The following KLHDC7B variants were observed in gnomAD, a reference collection of about 807,000 sequenced individuals.
The protein encoded by KLHDC7B is kelch domain containing 7B, also known as kelch domain-containing protein 7B.
Under a neutral mutation model 0.6 loss-of-function variants are expected in KLHDC7B, and 1 was observed. The ratio of observed to expected loss-of-function variants is 1.71; its 90% CI spans 0.61 to 8.11. KLHDC7B has a LOEUF of 8.11. KLHDC7B is among the 30% of genes most tolerant of loss of function. KLHDC7B has a pLI of 0.13. For missense variants in KLHDC7B, 993 were observed against 894.9 expected (o/e 1.11, Z -1.40); for synonymous variants, 462 against 405.2 (o/e 1.14, Z -1.68).
Position 50,548,601 on chromosome 22 carries a change from G to A in KLHDC7B, c.2358G>A (p.Glu786=), listed in dbSNP as rs2069761712. The A allele has an allele frequency of 1.9e-6, 3 of 1,544,556 alleles. No homozygotes were observed. The African/African-American group carries it at 4.1e-5, about 21-fold the overall frequency. The change falls in exon 1 of 1, where the codon GAG becomes GAA. Residue 786 remains glutamate, a synonymous_variant. Coordinates refer to ENST00000648057, the MANE Select transcript of KLHDC7B (RefSeq NM_138433.5). The surrounding 1 kb of genome is among the most constrained non-coding windows in gnomAD (Gnocchi z 5.3). ...RCEIAPSSEQ[E]VRPAASGDPQ... The stretch of plus-strand genomic sequence containing the variant: ...AAATCGCCCCGAGCTCGGAGCAGGA[G>A]GTCAGGCCGGCCGCCTCGGGGGACC...
rs906770561 is a variant in KLHDC7B, at chr22:50,545,964, CGAG to C, written c.-273_-271del. ...CGCTGCCTGAGGACCCTGGGGCCTACGAGGAGGAGAAGAGGGCAGGAGCTGGTG... is the reference window on the plus strand; with the variant it reads ...CGCTGCCTGAGGACCCTGGGGCCTACGAGGAGAAGAGGGCAGGAGCTGGTG... On this transcript the variant is annotated 5_prime_UTR_variant, in exon 1 of 1. Transcript: ENST00000648057. 3.5e-5 allele frequency among the ~76,000 whole-genome samples: 5 copies of C among 143,556 alleles called. No individual in the cohort carries two copies. Among genetic ancestry groups the C allele is most frequent in the Admixed American group, 7.1e-5 (1 of 14,176 alleles). The allele number at this position is 143,556 out of a possible 152,430, so 94.2% of individuals were successfully genotyped here.
rs756123337 is a variant in KLHDC7B, at chr22:50,548,755, G to C, written c.2512G>C (p.Gly838Arg). Residue 838 changes from glycine (G) to arginine (R), a missense_variant, in exon 1 of 1, where the codon GGG becomes CGG. Coordinates refer to ENST00000648057, the MANE Select transcript of KLHDC7B (RefSeq NM_138433.5). The surrounding 1 kb of genome is among the most constrained non-coding windows in gnomAD (Gnocchi z 5.3). Reference sequence around the variant, plus strand: ...GCCCGGGGGTTGGGGGGTGGTGGAGGGGCCCCGGAAGCCCAGCTCCCGGGC... The same window carrying C: ...GCCCGGGGGTTGGGGGGTGGTGGAGCGGCCCCGGAAGCCCAGCTCCCGGGC... ...QRPGGWGVVE[G>R]PRKPSSRALE... 6.9e-7 allele frequency: 1 copy of C among 1,451,412 alleles called. No individual in the cohort carries two copies. Among genetic ancestry groups the C allele is most frequent in the Non-Finnish European group, 9.0e-7 (1 of 1,107,452 alleles). The allele number at this position is 1,451,412 out of a possible 1,614,324, so 89.9% of individuals were successfully genotyped here.
Position 50,548,713 on chromosome 22 carries a change from A to G in KLHDC7B, c.2470A>G (p.Met824Val). The G allele has an allele frequency of 6.6e-7, 1 of 1,506,996 alleles. No homozygotes were observed. The highest frequency in any genetic ancestry group is 8.9e-7 in the Non-Finnish European group (1 of 1,128,346). The allele number at this position is 1,506,996 out of a possible 1,614,324, so 93.4% of individuals were successfully genotyped here. Residue 824 changes from methionine (M) to valine (V), a missense_variant, in exon 1 of 1, where the codon ATG becomes GTG. Met to Val is a conservative substitution (Grantham distance 21). Transcript: ENST00000648057. The surrounding 1 kb of genome is among the most constrained non-coding windows in gnomAD (Gnocchi z 5.3). ...TEKQEEARKL[M>V]VFLQRPGGWG... ...AAAGCAGGAGGAGGCCCGGAAGCTC[A>G]TGGTGTTTCTGCAGAGGCCCGGGGG...
chr22:50,550,289 C>T lies in KLHDC7B; in HGVS notation c.*338C>T. 3.2e-6 allele frequency: 1 copy of T among 313,216 alleles called. No homozygotes were observed. The highest frequency in any genetic ancestry group is 6.2e-6 in the Non-Finnish European group (1 of 161,328). 19.4% of individuals were successfully genotyped at this position (313,216 alleles called of 1,614,324 possible). Reference sequence around the variant, plus strand: ...TCTCCACAGACAAGGACTTGGCTCGCTGGAGCTCTGCTGAGCCGAGAGAGG... The same window carrying T: ...TCTCCACAGACAAGGACTTGGCTCGTTGGAGCTCTGCTGAGCCGAGAGAGG... On this transcript the variant is annotated 3_prime_UTR_variant, in exon 1 of 1. Coordinates refer to ENST00000648057, the MANE Select transcript of KLHDC7B (RefSeq NM_138433.5).
chr22:50,548,778 G>C lies in KLHDC7B; in HGVS notation c.2535G>C (p.Arg845=). Residue 845 remains arginine, a synonymous_variant, in exon 1 of 1, where the codon CGG becomes CGC. Transcript: ENST00000648057. The surrounding 1 kb of genome is among the most constrained non-coding windows in gnomAD (Gnocchi z 5.3). The part of the protein sequence containing the change: ...VVEGPRKPSS[R]ALEPATAAAL... The stretch of plus-strand genomic sequence containing the variant: ...AGGGGCCCCGGAAGCCCAGCTCCCG[G>C]GCCCTGGAGCCCGCCACGGCGGCAG... 6 of 1,451,538 alleles carry C rather than the reference G, an allele frequency of 4.1e-6. No individual in the cohort carries two copies. Among genetic ancestry groups the C allele is most frequent in the Non-Finnish European group, 5.4e-6 (6 of 1,108,002 alleles). The allele number at this position is 1,451,538 out of a possible 1,614,324, so 89.9% of individuals were successfully genotyped here. A position where few individuals can be genotyped will look rare whatever the true frequency, so the allele number is the denominator to read the frequency against.
Position 50,546,325 on chromosome 22 carries a change from C to G in KLHDC7B, c.82C>G (p.Leu28Val). 1 of 399,164 alleles carries G rather than the reference C, an allele frequency of 2.5e-6. No homozygotes were observed. The highest frequency in any genetic ancestry group is 4.4e-6 in the Non-Finnish European group (1 of 226,236). 24.7% of individuals were successfully genotyped at this position (399,164 alleles called of 1,614,324 possible). A position where few individuals can be genotyped will look rare whatever the true frequency, so the allele number is the denominator to read the frequency against. The part of the protein sequence containing the change: ...DSDNDWDSAV[L>V]ALLALAVVAA... ...TGACAATGACTGGGATAGTGCTGTG[C>G]TGGCCCTCCTGGCGCTGGCTGTGGT... is the stretch of plus-strand genomic sequence containing the variant. Residue 28 changes from leucine (L) to valine (V), a missense_variant, in exon 1 of 1, where the codon CTG (leucine) becomes GTG (valine). Physicochemically the swap from Leu to Val is conservative, Grantham distance 32. Transcript: ENST00000648057.
rs763796685 is a variant in KLHDC7B at position 50,549,903 on chromosome 22, A to C, written c.3660A>C (p.Pro1220=). 5.0e-5 allele frequency: 79 copies of C among 1,589,968 alleles called. No homozygotes were observed. Among genetic ancestry groups the C allele is most frequent in the Non-Finnish European group, 3.5e-5 (41 of 1,166,456 alleles). Reference sequence around the variant, plus strand: ...TGGGGAGCACCGGGGTCCTCAGTCCATTCATCCTGACTCTGCCCCCTGAGG... The same window carrying C: ...TGGGGAGCACCGGGGTCCTCAGTCCCTTCATCCTGACTCTGCCCCCTGAGG... ...FPLGSTGVLS[P]FILTLPPEDR... is the part of the protein sequence containing the mutation. Residue 1220 remains proline, a synonymous_variant, in exon 1 of 1, where the codon CCA becomes CCC. Transcript: ENST00000648057.
chr22:50,550,176 A>G lies in KLHDC7B; in HGVS notation c.*225A>G. On this transcript the variant is annotated 3_prime_UTR_variant, in exon 1 of 1. Transcript: ENST00000648057. ...CACACCCAGACTGTTTCCTGACTCA[A>G]TTCCGTACCTACTTACAGACCCTCT... 2.0e-6 allele frequency: 1 copy of G among 504,266 alleles called. No individual in the cohort carries two copies. Among genetic ancestry groups the G allele is most frequent in the Non-Finnish European group, 3.6e-6 (1 of 280,158 alleles). The allele number at this position is 504,266 out of a possible 1,614,324, so 31.2% of individuals were successfully genotyped here. A position where few individuals can be genotyped will look rare whatever the true frequency, so the allele number is the denominator to read the frequency against.
chr22:50,549,748 G>A lies in KLHDC7B; in HGVS notation c.3505G>A (p.Ala1169Thr), dbSNP rs759893144. ...CAGGGCTGCCTCCCTGCCCCTGCCCGCCCCCGCCCCACTGCACTGCACCAC... is the reference window on the plus strand; with the variant it reads ...CAGGGCTGCCTCCCTGCCCCTGCCCACCCCCGCCCCACTGCACTGCACCAC... ...WSRAASLPLP[A>T]PAPLHCTTLG... The change falls in exon 1 of 1, where the codon GCC (alanine) becomes ACC (threonine). Residue 1169 changes from alanine to threonine, a missense_variant. By Grantham distance (58) the Ala-to-Thr change is moderately conservative (BLOSUM62 0). Coordinates refer to ENST00000648057, the MANE Select transcript of KLHDC7B (RefSeq NM_138433.5). The A allele has an allele frequency of 3.5e-6, 5 of 1,447,206 alleles. No individual in the cohort carries two copies. Among genetic ancestry groups the A allele is most frequent in the Non-Finnish European group, 2.8e-6 (3 of 1,078,808 alleles). 89.6% of individuals were successfully genotyped at this position (1,447,206 alleles called of 1,614,324 possible).
Position 50,546,768 on chromosome 22 carries a change from C to T in KLHDC7B, c.525C>T (p.Leu175=), listed in dbSNP as rs914179327. Among the ~76,000 whole-genome samples, 2 of 152,168 alleles carry T rather than the reference C, an allele frequency of 1.3e-5. No homozygotes were observed. Among genetic ancestry groups the T allele is most frequent in the Non-Finnish European group, 2.9e-5 (2 of 68,000 alleles). Residue 175 remains leucine (L), a synonymous_variant, in exon 1 of 1, where the codon CTC becomes CTT. Transcript: ENST00000648057. ...RSEAGGMSAP[L]LIHFTPRSPG... The stretch of plus-strand genomic sequence containing the variant: ...AAGCAGGGGGGATGTCCGCCCCCCT[C>T]CTGATCCACTTCACTCCTCGGAGCC...
Position 50,549,436 on chromosome 22 carries a change from C to T in KLHDC7B, c.1270C>T (p.Arg424Ter), listed in dbSNP as rs1456398477. The T allele has an allele frequency of 1.2e-6, 2 of 1,612,700 alleles. No homozygotes were observed. The highest frequency in any genetic ancestry group is 1.7e-6 in the Non-Finnish European group (2 of 1,179,904). The change falls in exon 1 of 1, where the codon CGA (arginine) becomes TGA (stop). Residue 424 changes from arginine (R) to a stop codon, truncating the protein, a stop_gained. Transcript: ENST00000395676. LOFTEE classifies it low-confidence loss of function (END_TRUNC). ...GTACAGCATGGAGTGCTACGACCCG[C>T]GAACAGACGCCTGGACCCCACGCGC...
At position 50,549,113 on chromosome 22, in the gene KLHDC7B, T is replaced by C. The variant is rs2069772386; in HGVS notation, c.2870T>C (p.Leu957Pro). The C allele has an allele frequency of 1.2e-6, 2 of 1,601,544 alleles. No individual in the cohort carries two copies. The highest frequency in any genetic ancestry group is 2.7e-5 in the African/African-American group (2 of 74,898). The change falls in exon 1 of 1, where the codon CTG becomes CCG. Residue 957 changes from leucine (L) to proline (P), a missense_variant. Leu to Pro is a moderately conservative substitution (Grantham distance 98, BLOSUM62 -3). Transcript: ENST00000648057. The stretch of plus-strand genomic sequence containing the variant: ...CCTCCTGCGGCGGCCCCTGTGTCCC[T>C]GCCTCTACCTGCGCACCTGCATGTG... ...EEPPAAAPVS[L>P]PLPAHLHVFN...
At position 50,548,637 on chromosome 22, in the gene KLHDC7B, G is replaced by T; in HGVS notation, c.2394G>T (p.Glu798Asp). The T allele has an allele frequency of 1.3e-6, 2 of 1,533,778 alleles. No individual in the cohort carries two copies. Among genetic ancestry groups the T allele is most frequent in the Admixed American group, 2.0e-5 (1 of 49,146 alleles). Reference sequence around the variant, plus strand: ...CCGCCTCGGGGGACCCTCAAGGGGAGGCGCCGGGGGAGGGGGGCAGCCCTG... The same window carrying T: ...CCGCCTCGGGGGACCCTCAAGGGGATGCGCCGGGGGAGGGGGGCAGCCCTG... ...RPAASGDPQG[E>D]APGEGGSPAG... The change falls in exon 1 of 1, where the codon GAG becomes GAT. Residue 798 changes from glutamate (E) to aspartate (D), a missense_variant. Transcript: ENST00000648057. The surrounding 1 kb of genome is among the most constrained non-coding windows in gnomAD (Gnocchi z 5.3).
Position 50,548,157 on chromosome 22 carries a change from C to T in KLHDC7B, c.1914C>T (p.Asn638=). 2 of 1,496,862 alleles carry T rather than the reference C, an allele frequency of 1.3e-6. No homozygotes were observed. The highest frequency in any genetic ancestry group is 1.8e-6 in the Non-Finnish European group (2 of 1,117,978). 92.7% of individuals were successfully genotyped at this position (1,496,862 alleles called of 1,614,324 possible). A position where few individuals can be genotyped will look rare whatever the true frequency, so the allele number is the denominator to read the frequency against. Residue 638 remains asparagine, a synonymous_variant, in exon 1 of 1, where the codon AAC becomes AAT. Transcript: ENST00000648057. The surrounding 1 kb of genome is among the most constrained non-coding windows in gnomAD (Gnocchi z 5.3). ...QEGQVSASWG[N]LIAMVLRSHP... ...GGCAGGTCTCAGCCAGCTGGGGAAA[C>T]CTTATTGCCATGGTTCTTAGAAGCC...
In KLHDC7B at chr22:50,549,923, C is replaced by T. The variant is rs201368714; in HGVS notation, c.3680C>T (p.Pro1227Leu). 7.0e-6 allele frequency: 11 copies of T among 1,580,768 alleles called. No individual in the cohort carries two copies. The South Asian group carries it at 8.0e-5, about 11-fold the overall frequency. The part of the protein sequence containing the change: ...VLSPFILTLP[P>L]EDRLQTSL Reference sequence around the variant, plus strand: ...AGTCCATTCATCCTGACTCTGCCCCCTGAGGACCGGCTGCAGACCTCACTC... The same window carrying T: ...AGTCCATTCATCCTGACTCTGCCCCTTGAGGACCGGCTGCAGACCTCACTC... The change falls in exon 1 of 1, where the codon CCT becomes CTT. Residue 1227 changes from proline (P) to leucine (L), a missense_variant. Coordinates refer to ENST00000648057, the MANE Select transcript of KLHDC7B (RefSeq NM_138433.5).
Position 50,546,145 on chromosome 22 carries a change from C to A in KLHDC7B, c.-99C>A, listed in dbSNP as rs527595872. Among the ~76,000 whole-genome samples, 28 of 152,342 alleles carry A rather than the reference C, an allele frequency of 1.8e-4. No homozygotes were observed. Among genetic ancestry groups the A allele is most frequent in the African/African-American group, 6.7e-4 (28 of 41,576 alleles). On this transcript the variant is annotated 5_prime_UTR_variant, in exon 1 of 1. Transcript: ENST00000648057. ...GGAGGACTGGTCCACCTTAACTGGGCAGCCCTTGGGGCAGGCGCTGGCCGG... is the reference window on the plus strand; with the variant it reads ...GGAGGACTGGTCCACCTTAACTGGGAAGCCCTTGGGGCAGGCGCTGGCCGG...
chr22:50,547,805 C>G lies in KLHDC7B; in HGVS notation c.1562C>G (p.Ala521Gly), dbSNP rs1374894206. Among the ~76,000 whole-genome samples the G allele has an allele frequency of 6.6e-6, 1 of 150,832 alleles. No individual in the cohort carries two copies. The highest frequency in any genetic ancestry group is 1.9e-4 in the East Asian group (1 of 5,132). The change falls in exon 1 of 1, where the codon GCC becomes GGC. Residue 521 changes from alanine (A) to glycine (G), a missense_variant. By Grantham distance (60) the Ala-to-Gly change is moderately conservative. Transcript: ENST00000648057. ...TSAPTSTPAP[A>G]PSPAAAATPA... ...GCTCCAACTTCAACCCCAGCCCCAG[C>G]CCCAAGTCCAGCTGCAGCCGCAACT...
Position 50,549,100 on chromosome 22 carries a change from G to T in KLHDC7B, c.2857G>T (p.Ala953Ser). Residue 953 changes from alanine to serine, a missense_variant, in exon 1 of 1, where the codon GCC (alanine) becomes TCC (serine). Ala to Ser is a moderately conservative substitution (Grantham distance 99). Transcript: ENST00000648057. ...GPRGEEPPAA[A>S]PVSLPLPAHL... Reference sequence around the variant, plus strand: ...TCGTGGCGAGGAGCCTCCTGCGGCGGCCCCTGTGTCCCTGCCTCTACCTGC... The same window carrying T: ...TCGTGGCGAGGAGCCTCCTGCGGCGTCCCCTGTGTCCCTGCCTCTACCTGC... 8 of 1,600,924 alleles carry T rather than the reference G, an allele frequency of 5.0e-6. No homozygotes were observed. The highest frequency in any genetic ancestry group is 6.8e-6 in the Non-Finnish European group (8 of 1,179,590).
rs1370020409 is a variant in KLHDC7B at position 50,546,896 on chromosome 22, C to T, written c.653C>T (p.Ala218Val). ...GACACTGGCCCCTGGCAGGCGGGCG[C>T]GGGGCCCTCGGGCTCGATGGGGAGA... ...QQDTGPWQAG[A>V]GPSGSMGRGR... is the part of the protein sequence containing the mutation. The change falls in exon 1 of 1, where the codon GCG (alanine) becomes GTG (valine). Residue 218 changes from alanine to valine, a missense_variant. Physicochemically the swap from Ala to Val is moderately conservative, Grantham distance 64. Transcript: ENST00000648057. Among the ~76,000 whole-genome samples the T allele has an allele frequency of 6.6e-6, 1 of 152,014 alleles. No homozygotes were observed. Among genetic ancestry groups the T allele is most frequent in the African/African-American group, 2.4e-5 (1 of 41,418 alleles).
Sources: allele counts gnomAD v4.1 joint callset (sites outside exome capture counted in the v4.1 genomes callset), GRCh38; gene constraint gnomAD v4.1.1; non-coding constraint Gnocchi (gnomAD v3.1); transcripts MANE v1.5; gene names NCBI Gene and HGNC (gene_info 2026-07-23, HGNC 2026-07-21).